Variants in LRRC2 observed in about 807,000 individuals in gnomAD.
The protein encoded by LRRC2 is leucine-rich repeat-containing protein 2.
Under a neutral mutation model 40.2 loss-of-function variants are expected in LRRC2, and 27 were observed. The ratio of observed to expected loss-of-function variants is 0.67; its 90% CI spans 0.49 to 0.93. The LOEUF (loss-of-function observed/expected upper bound fraction) is 0.93, where lower values mean the gene tolerates loss of function less well. LRRC2 is among the 40% of genes least tolerant of loss of function. The probability of loss-of-function intolerance (pLI) is 0.00; values close to 1 mark genes in which losing one functional copy is unlikely to be tolerated. For missense variants in LRRC2, 402 were observed against 439.6 expected, an observed-to-expected ratio of 0.91 and a Z score of 0.76; for synonymous variants, 147 against 158.9, an observed-to-expected ratio of 0.92 and a Z score of 0.56.
rs758224111 is a variant in LRRC2 at position 46,518,988 on chromosome 3, T to A, written c.*26A>T. The A allele has an allele frequency of 6.8e-7, 1 of 1,463,862 alleles. No homozygotes were observed. Among genetic ancestry groups the A allele is most frequent in the Non-Finnish European group, 9.6e-7 (1 of 1,043,514 alleles). 90.7% of individuals were successfully genotyped at this position (1,463,862 alleles called of 1,614,324 possible). A position where few individuals can be genotyped will look rare whatever the true frequency, so the allele number is the denominator to read the frequency against. ...ATTTATATATAGCTCCAGAGAATAG[T>A]GAGATTTGCAGTCTTCTGATGGATA... On this transcript the variant is annotated 3_prime_UTR_variant, in exon 9 of 9. Coordinates refer to ENST00000395905, the MANE Select transcript of LRRC2 (RefSeq NM_024512.5).
At chr3:46,557,667 A>G (rs1704838237) in intron 1 of LRRC2, 1 of 152,032 alleles carries the variant, frequency 6.6e-6, no homozygotes, top group South Asian at 2.1e-4. Context: ...TTCCATTCAT[A>G]CCCCAGGGCT....
At chr3:46,555,949 G>T (rs987715917) in intron 1 of LRRC2, among the ~76,000 whole-genome samples, 13 of 152,050 alleles carry the variant, frequency 8.5e-5, no homozygotes, top group Non-Finnish European at 1.6e-4. Context: ...TACTATTTTT[G>T]CTGGATATAG....
At chr3:46,538,141 T>C (rs1341792411) in intron 4 of LRRC2, among the ~76,000 whole-genome samples, 2 of 152,174 alleles carry the variant, frequency 1.3e-5, no homozygotes, top group African/African-American at 4.8e-5. Context: ...TCCCACAGGG[T>C]CTTGGCTTCT....
At chr3:46,539,508 A>G (rs575122356) in intron 3 of LRRC2, among the ~76,000 whole-genome samples, 1 of 152,364 alleles carries the variant, frequency 6.6e-6, no homozygotes, top group South Asian at 2.1e-4. Context: ...TATTTGCAAC[A>G]TACCAACTTA....
At chr3:46,533,235 C>A (rs993265227) in intron 4 of LRRC2, among the ~76,000 whole-genome samples, 2 of 152,092 alleles carry the variant, frequency 1.3e-5, no homozygotes, top group African/African-American at 2.4e-5. Context: ...GCCCAGGGAT[C>A]TTTTCCAACT....
chr3:46,545,055 C>T lies in LRRC2; in HGVS notation c.324G>A (p.Glu108=). 6.2e-7 allele frequency: 1 copy of T among 1,612,578 alleles called. No homozygotes were observed. ...AACTGCCTCGACTCACCGTCCAGTGCTCCCCAGAAAGTTCAAACACAAACG... is the reference window on the plus strand; with the variant it reads ...AACTGCCTCGACTCACCGTCCAGTGTTCCCCAGAAAGTTCAAACACAAACG... The part of the protein sequence containing the change: ...SSAFVFELSG[E]HWTELPDSLK... Residue 108 remains glutamate (E), a synonymous_variant, in exon 3 of 9, where the codon GAG becomes GAA. Transcript: ENST00000395905.
chr3:46,545,684 A>G (rs1704510579), intron 2 of LRRC2, among the ~76,000 whole-genome samples: 1 of 152,170 alleles, frequency 6.6e-6, no homozygotes, highest in Admixed American at 6.5e-5. Flanking sequence ...CTGTAGATGG[A>G]CCTGAGGTCC....
chr3:46,545,404 G>A, intron 2 of LRRC2, 151 bp from the exon 3 acceptor site: 1 of 658,720 alleles, frequency 1.5e-6, no homozygotes, highest in Admixed American at 2.8e-5. Context: ...CTGCTGTGGG[G>A]GTGCAGGGGA....
intron 1 of LRRC2, among the ~76,000 whole-genome samples, chr3:46,552,839 T>TCTGTTTAC (rs112023369): frequency 0.048 from 7,371 of 152,272 alleles, 268 homozygotes; most frequent in South Asian, 0.15. Flanking sequence ...ACCATTGATC[T>TCTGTTTAC]CTGTTTACCT....
At chr3:46,539,897 G>A (rs896427665) in intron 3 of LRRC2, among the ~76,000 whole-genome samples, 3 of 152,176 alleles carry the variant, frequency 2.0e-5, no homozygotes, top group Admixed American at 6.5e-5. Flanking sequence ...CTAATTCACC[G>A]AGAGTTACCG....
chr3:46,530,087 TAA>T lies in LRRC2; in HGVS notation c.628-39_628-38del. On this transcript the variant is annotated intron_variant, in intron 5 of 8. Transcript: ENST00000395905. ...TAACAAAATGTTCTAATTACTTTTATAAGAGTGGGAATTAAGTTCAACTAATA... is the reference window on the plus strand; with the variant it reads ...TAACAAAATGTTCTAATTACTTTTATGAGTGGGAATTAAGTTCAACTAATA... 2.6e-6 allele frequency: 4 copies of T among 1,534,222 alleles called. No homozygotes were observed. In the Admixed American group the frequency reaches 5.1e-5, roughly 19 times the overall value.
intron 1 of LRRC2, chr3:46,559,843 AT>A: frequency 6.6e-6 from 1 of 152,268 alleles, no homozygotes; most frequent in Non-Finnish European, 1.5e-5. Context: ...CATGTTCACC[AT>A]TTTCCCTGTG....
chr3:46,538,337 C>T (rs1031517936), intron 4 of LRRC2, among the ~76,000 whole-genome samples: 1 of 152,060 alleles, frequency 6.6e-6, no homozygotes, highest in Non-Finnish European at 1.5e-5. Flanking sequence ...AATTTTGATC[C>T]ATCAAAAAGA....
chr3:46,564,208 A>C (rs1440323540), intron 1 of LRRC2, among the ~76,000 whole-genome samples: 2 of 151,244 alleles, frequency 1.3e-5, no homozygotes, highest in African/African-American at 2.5e-5. Flanking sequence ...AGAGTCCTGC[A>C]GGGACCTTGA....
intron 7 of LRRC2, among the ~76,000 whole-genome samples, chr3:46,524,062 C>T (rs1189416055): frequency 6.6e-6 from 1 of 152,064 alleles, no homozygotes; most frequent in Non-Finnish European, 1.5e-5. Flanking sequence ...TCACATCTCA[C>T]TTTTCTTTTG....
intron 1 of LRRC2, among the ~76,000 whole-genome samples, chr3:46,562,072 C>A (rs140270994): frequency 1.3e-5 from 2 of 152,290 alleles, no homozygotes; most frequent in Non-Finnish European, 2.9e-5. Context: ...AATTCCTCCC[C>A]CCTTGAGCAT....
intron 3 of LRRC2, among the ~76,000 whole-genome samples, chr3:46,541,998 A>G (rs1407939865): frequency 1.3e-5 from 2 of 152,150 alleles, no homozygotes; most frequent in African/African-American, 2.4e-5. Context: ...ATGTGCATTC[A>G]TGAACATTCA....
chr3:46,537,288 TG>T, intron 4 of LRRC2, among the ~76,000 whole-genome samples: 1 of 152,248 alleles, frequency 6.6e-6, no homozygotes, highest in East Asian at 1.9e-4. Context: ...TTTGTAGAGA[TG>T]GGGTTTTGCC....
At chr3:46,562,563 G>A (rs1180655285) in intron 1 of LRRC2, among the ~76,000 whole-genome samples, 1 of 152,164 alleles carries the variant, frequency 6.6e-6, no homozygotes, top group East Asian at 1.9e-4. Flanking sequence ...CATCTGGTGT[G>A]CATGTTCAGC....
Sources: gnomAD v4.1 joint callset for allele counts (sites outside exome capture counted in the v4.1 genomes callset) on GRCh38, gnomAD v4.1.1 for gene constraint, MANE v1.5 for transcripts, NCBI Gene and HGNC (gene_info 2026-07-23, HGNC 2026-07-21) for gene names.